The following SLC19A1 variants were observed in gnomAD, a reference collection of about 807,000 sequenced individuals.
SLC19A1 encodes the protein reduced folate transporter.
A neutral mutation model predicts 35.3 loss-of-function variants in SLC19A1; 37 were observed. The observed-to-expected ratio is 1.05, with a 90% CI of 0.81 to 1.38. The LOEUF (loss-of-function observed/expected upper bound fraction) is 1.38. Ranked by LOEUF, SLC19A1 falls within the 40% of genes most tolerant of loss-of-function variation. The pLI, the probability that SLC19A1 is intolerant of heterozygous loss-of-function variation, is 0.00. For missense variants in SLC19A1, 831 were observed against 826.9 expected, an observed-to-expected ratio of 1.00 and a Z score of -0.06; for synonymous variants, 460 against 398.5, an observed-to-expected ratio of 1.15 and a Z score of -1.84.
rs2038031499 is a variant in SLC19A1, at chr21:45,517,588, G to A, written c.1294-1448C>T. On this transcript the variant is annotated intron_variant, in intron 5 of 5. Transcript: ENST00000311124. This position sits in a 1 kb window ranked among gnomAD's most constrained non-coding sequence, Gnocchi z 4.4. ...GCCTAGTCACCCCCGAAGCCTCACG[G>A]AGTCAGCAGAGACCATATGGGGAGC... Among the ~76,000 whole-genome samples the A allele has an allele frequency of 6.6e-6, 1 of 152,108 alleles. No individual in the cohort carries two copies. The highest frequency in any genetic ancestry group is 2.4e-5 in the African/African-American group (1 of 41,392).
At chr21:45,506,075 G>A in intron 3 of SLC19A1, 1 of 1,523,282 alleles carries the variant, frequency 6.6e-7, no homozygotes, top group Non-Finnish European at 9.0e-7. Context: ...GGAGCAGGTG[G>A]CAGCCAGCGC....
At chr21:45,508,676 G>T (rs969759049), downstream of SLC19A1, among the ~76,000 whole-genome samples, 3 of 152,192 alleles carry the variant, frequency 2.0e-5, no homozygotes, top group Admixed American at 1.3e-4. Flanking sequence ...ACAGCGGCCT[G>T]TCTCCTCACA....
chr21:45,521,381 A>C (rs2077434088), intron 5 of SLC19A1, among the ~76,000 whole-genome samples: 1 of 152,254 alleles, frequency 6.6e-6, no homozygotes, highest in Admixed American at 6.5e-5. Flanking sequence ...GATCTAAATA[A>C]ATGGAAAGAT....
At chr21:45,551,384 T>C (rs2078465253) in intron 1 of SLC19A1, among the ~76,000 whole-genome samples, 1 of 152,238 alleles carries the variant, frequency 6.6e-6, no homozygotes, top group African/African-American at 2.4e-5. Flanking sequence ...ACTGCTATGT[T>C]CCTTTAATTT....
Position 45,505,314 on chromosome 21 carries a change from G to A in SLC19A1, c.498-6702C>T, listed in dbSNP as rs551823807. 114 of 1,597,712 alleles carry A rather than the reference G, an allele frequency of 7.1e-5. 1 individual carries two copies. Among genetic ancestry groups the A allele is most frequent in the Admixed American group, 3.3e-4 (20 of 59,990 alleles). Reference sequence around the variant, plus strand: ...GGGGAGTGGGCCCCGGGCAGAGGCCGCCTCGTGTGGCTTCGTGTTCCCACC... The same window carrying A: ...GGGGAGTGGGCCCCGGGCAGAGGCCACCTCGTGTGGCTTCGTGTTCCCACC... On this transcript the variant is annotated intron_variant, in intron 3 of 4. Coordinates refer to the SLC19A1 transcript ENST00000417954.
chr21:45,547,160 A>G (rs111686092), upstream of SLC19A1, among the ~76,000 whole-genome samples: 164 of 152,350 alleles, frequency 1.1e-3, no homozygotes, highest in African/African-American at 3.6e-3. Context: ...ATATCTAAGA[A>G]TGCATTTAAT....
rs769716996 is a variant in SLC19A1, at chr21:45,505,962, T to C, written c.498-7350A>G. 1 of 1,612,738 alleles carries C rather than the reference T, an allele frequency of 6.2e-7. No homozygotes were observed. Among genetic ancestry groups the C allele is most frequent in the Admixed American group, 1.7e-5 (1 of 59,966 alleles). ...CGCGTGCAGAACGGGTTCCGGAAGGTCCAGGTGAGCGCTCTGTGTGACGGG... is the reference window on the plus strand; with the variant it reads ...CGCGTGCAGAACGGGTTCCGGAAGGCCCAGGTGAGCGCTCTGTGTGACGGG... On this transcript the variant is annotated intron_variant, in intron 3 of 4. Transcript: ENST00000417954.
chr21:45,524,928 C>T (rs1602743891), intron 5 of SLC19A1, among the ~76,000 whole-genome samples: 2 of 152,250 alleles, frequency 1.3e-5, no homozygotes, highest in African/African-American at 4.8e-5. Flanking sequence ...GTGTTGTACC[C>T]AGAGGGCTCT....
At chr21:45,555,160 C>CGCAGGGGGCGGCGCA (rs779347245) in intron 1 of SLC19A1, among the ~76,000 whole-genome samples, 2 of 41,814 alleles carry the variant, frequency 4.8e-5, no homozygotes, top group African/African-American at 1.3e-4. Flanking sequence ...CAGGGGGCGG[C>CGCAGGGGGCGGCGCA]GGGGGCGGCG....
chr21:45,559,123 G>A (rs2078591297), intron 1 of SLC19A1, among the ~76,000 whole-genome samples: 1 of 152,128 alleles, frequency 6.6e-6, no homozygotes, highest in Non-Finnish European at 1.5e-5. Flanking sequence ...GAATTTTCAT[G>A]TGGAAGTCAA....
chr21:45,558,127 C>T (rs533618376), intron 1 of SLC19A1, among the ~76,000 whole-genome samples: 1 of 152,244 alleles, frequency 6.6e-6, no homozygotes, highest in Non-Finnish European at 1.5e-5. Context: ...CCCGTGCTGA[C>T]GAGAGACTGG....
intron 1 of SLC19A1, among the ~76,000 whole-genome samples, chr21:45,552,647 G>A (rs1485560964): frequency 6.6e-6 from 1 of 151,758 alleles, no homozygotes; most frequent in East Asian, 1.9e-4. Flanking sequence ...GACAGCCCCA[G>A]CCCCAGCAGA....
chr21:45,509,656 G>A, downstream of SLC19A1: 2 of 932,054 alleles, frequency 2.1e-6, no homozygotes, highest in Non-Finnish European at 3.4e-6. Flanking sequence ...GCTCTCGGCA[G>A]CAGAAGAGGG....
At chr21:45,556,887 T>C (rs2078567879) in intron 1 of SLC19A1, among the ~76,000 whole-genome samples, 1 of 150,934 alleles carries the variant, frequency 6.6e-6, no homozygotes, top group African/African-American at 2.5e-5. Context: ...ACGTGTCTCC[T>C]GGGACGGCGA....
chr21:45,534,919 T>C lies in SLC19A1; in HGVS notation c.190-2771A>G, dbSNP rs2078057376. Among the ~76,000 whole-genome samples, 1 of 152,250 alleles carries C rather than the reference T, an allele frequency of 6.6e-6. No individual in the cohort carries two copies. On this transcript the variant is annotated intron_variant, in intron 2 of 5. Coordinates refer to ENST00000311124, the MANE Select transcript of SLC19A1 (RefSeq NM_194255.4). The surrounding 1 kb of genome is among the most constrained non-coding windows in gnomAD (Gnocchi z 4.2). ...CGGCCCTGCTCTCCACAGGTCTTGG[T>C]TGGGGTCCAGGCTGAATGGGCAGAG...
At chr21:45,529,676 T>C (rs1202800477) in intron 4 of SLC19A1, among the ~76,000 whole-genome samples, 1 of 151,390 alleles carries the variant, frequency 6.6e-6, no homozygotes, top group Non-Finnish European at 1.5e-5. Flanking sequence ...TGTGTGTCCA[T>C]GTGTGAGCAT....
At chr21:45,502,724 C>T (rs1272420265) in intron 3 of SLC19A1, 1 of 152,242 alleles carries the variant, frequency 6.6e-6, no homozygotes, top group Non-Finnish European at 1.5e-5. Context: ...CACAGCTTCA[C>T]CCTTGGAGAG....
chr21:45,514,843 C>T lies in SLC19A1; in HGVS notation c.*815G>A. The T allele has an allele frequency of 1.5e-6, 1 of 648,426 alleles. No homozygotes were observed. Among genetic ancestry groups the T allele is most frequent in the Non-Finnish European group, 2.5e-6 (1 of 400,186 alleles). 40.2% of individuals were successfully genotyped at this position (648,426 alleles called of 1,614,324 possible). The stretch of plus-strand genomic sequence containing the variant: ...CTGGGACGTACTTCCCCAGCGCCCA[C>T]CACAAAGGCAGCCCCCCCAAGGCTG... On this transcript the variant is annotated 3_prime_UTR_variant, in exon 6 of 6. Coordinates refer to ENST00000311124, the MANE Select transcript of SLC19A1 (RefSeq NM_194255.4).
chr21:45,546,405 G>A (rs1019694595), upstream of SLC19A1, among the ~76,000 whole-genome samples: 1 of 152,248 alleles, frequency 6.6e-6, no homozygotes, highest in African/African-American at 2.4e-5. Flanking sequence ...TTCCCTGGAA[G>A]GGTGTCCCAC....
Sources: allele counts gnomAD v4.1 joint callset (sites outside exome capture counted in the v4.1 genomes callset), GRCh38; gene constraint gnomAD v4.1.1; non-coding constraint Gnocchi (gnomAD v3.1); transcripts MANE v1.5; gene names NCBI Gene and HGNC (gene_info 2026-07-23, HGNC 2026-07-21).